The following ARHGAP39 variants were observed in gnomAD, a reference collection of about 807,000 sequenced individuals.
ARHGAP39 encodes the protein rho GTPase-activating protein 39.
In ARHGAP39, 44 loss-of-function variants were observed where a neutral mutation model predicts 106.9. That is an observed-to-expected ratio of 0.41 (90% confidence interval 0.32 to 0.53). The LOEUF is 0.53. Among genes scored for constraint, ARHGAP39 ranks in the 20% least tolerant of loss-of-function variants. The pLI, the probability that ARHGAP39 is intolerant of heterozygous loss-of-function variation, is 0.21. For missense variants in ARHGAP39, 1,496 were observed against 1,577.3 expected (o/e 0.95, Z 0.87); for synonymous variants, 768 against 693.2 (o/e 1.11, Z -1.69).
At chr8:144,537,514 C>A (rs996787782) in intron 7 of ARHGAP39, among the ~76,000 whole-genome samples, 4 of 152,174 alleles carry the variant, frequency 2.6e-5, no homozygotes, top group Admixed American at 6.5e-5. Flanking sequence ...CTGGACACCA[C>A]AAAGACACGT....
At chr8:144,622,002 G>A (rs1820819150) in intron 1 of ARHGAP39, among the ~76,000 whole-genome samples, 1 of 152,156 alleles carries the variant, frequency 6.6e-6, no homozygotes, top group East Asian at 1.9e-4. Flanking sequence ...GGGTGACAAA[G>A]AAAATAATCA....
intron 1 of ARHGAP39, among the ~76,000 whole-genome samples, chr8:144,620,130 T>G (rs1484147920): frequency 3.5e-5 from 5 of 143,892 alleles, no homozygotes; most frequent in Non-Finnish European, 7.6e-5. Context: ...CGTGTGCGTG[T>G]GAGCCTGTGT....
At position 144,545,260 on chromosome 8, in the gene ARHGAP39, T is replaced by C. The variant is rs148092254; in HGVS notation, c.2510A>G (p.Asn837Ser). ...GTGCATGGCCTTACCTTTAGTGTCA[T>C]TGACGGGGTCCATGTGCCGGTAGAT... ...GYIYRHMDPV[N>S]DTKVTQHIKE... Residue 837 changes from asparagine to serine, a missense_variant, in exon 6 of 12, where the codon AAT becomes AGT. By Grantham distance (46) the Asn-to-Ser change is conservative (BLOSUM62 1). Around this residue, in one of 4 missense-constraint regions of ARHGAP39, gnomAD observed 470 missense variants for 605.1 expected, o/e 0.78. Transcript: ENST00000377307. The C allele has an allele frequency of 8.2e-5, 126 of 1,542,028 alleles. No individual in the cohort carries two copies. Among genetic ancestry groups the C allele is most frequent in the African/African-American group, 1.6e-4 (12 of 72,988 alleles).
intron 1 of ARHGAP39, among the ~76,000 whole-genome samples, chr8:144,619,825 AGAGT>A (rs749679800): frequency 3.7e-4 from 50 of 133,576 alleles, no homozygotes; most frequent in Admixed American, 9.1e-4. Context: ...TGTGTCCCTG[AGAGT>A]GTGTGTGCCC....
chr8:144,668,020 CT>C (rs112776164), intron 1 of ARHGAP39, among the ~76,000 whole-genome samples: 15,996 of 145,444 alleles, frequency 0.11, 2,054 homozygotes, highest in African/African-American at 0.31. Flanking sequence ...TGTTCACAGC[CT>C]TTTTTTTTTT....
rs145657045 is a variant in ARHGAP39, at chr8:144,630,454, G to A, written c.-81-24759C>T. Among the ~76,000 whole-genome samples, 435 of 152,368 alleles carry A rather than the reference G, an allele frequency of 2.9e-3. 3 individuals are homozygous for A. The highest frequency in any genetic ancestry group is 6.8e-3 in the Middle Eastern group (2 of 294). On this transcript the variant is annotated intron_variant, in intron 1 of 11. Transcript: ENST00000377307. Reference sequence around the variant, plus strand: ...CCAGCCCTGGCCCCCAGCTTCTGCAGCCTCCTAAGGGTCTGGTCTCACCCA... The same window carrying A: ...CCAGCCCTGGCCCCCAGCTTCTGCAACCTCCTAAGGGTCTGGTCTCACCCA...
intron 3 of ARHGAP39, among the ~76,000 whole-genome samples, chr8:144,558,948 A>G (rs1818042988): frequency 6.6e-6 from 1 of 151,624 alleles, no homozygotes; most frequent in Non-Finnish European, 1.5e-5. Flanking sequence ...GGTAGCTTAC[A>G]CTGTAATCCC....
intron 3 of ARHGAP39, among the ~76,000 whole-genome samples, chr8:144,571,142 A>T (rs1818572662): frequency 2.6e-5 from 4 of 152,206 alleles, no homozygotes; most frequent in Admixed American, 2.6e-4. Flanking sequence ...TAAGGCCACC[A>T]TCATCCTGAT....
chr8:144,567,503 G>A (rs1036728307), intron 3 of ARHGAP39, among the ~76,000 whole-genome samples: 3 of 152,050 alleles, frequency 2.0e-5, no homozygotes, highest in African/African-American at 7.2e-5. Flanking sequence ...TCCCTTTCCC[G>A]GGGGGAGTTT....
chr8:144,631,468 A>T (rs957810130), intron 1 of ARHGAP39, among the ~76,000 whole-genome samples: 3 of 152,192 alleles, frequency 2.0e-5, no homozygotes, highest in Non-Finnish European at 2.9e-5. Context: ...TCTTTACGCC[A>T]TCTGCCCCGT....
chr8:144,621,755 C>A (rs1238338060), intron 1 of ARHGAP39, among the ~76,000 whole-genome samples: 4 of 152,164 alleles, frequency 2.6e-5, no homozygotes, highest in African/African-American at 9.7e-5. Flanking sequence ...GAGGTAGAGG[C>A]TGCAGTGAGC....
chr8:144,682,498 G>A (rs1372422145), intron 1 of ARHGAP39, among the ~76,000 whole-genome samples: 1 of 145,524 alleles, frequency 6.9e-6, no homozygotes, highest in East Asian at 2.0e-4. Flanking sequence ...GCAGTGAGCC[G>A]AGATCACGCC....
chr8:144,578,708 T>G (rs1291211385), intron 3 of ARHGAP39, among the ~76,000 whole-genome samples: 2 of 151,806 alleles, frequency 1.3e-5, no homozygotes, highest in Non-Finnish European at 2.9e-5. Flanking sequence ...AAAATTAGCC[T>G]GGTGTGGTGG....
chr8:144,633,244 G>A (rs1821107891), intron 1 of ARHGAP39, among the ~76,000 whole-genome samples: 1 of 152,190 alleles, frequency 6.6e-6, no homozygotes, highest in South Asian at 2.1e-4. Flanking sequence ...GGATCATGAG[G>A]TCAGGAGATT....
At position 144,529,366 on chromosome 8, in the gene ARHGAP39, T is replaced by A. The variant is rs982125206; in HGVS notation, c.*1056A>T. ...AACGGAACTCTAAAAAATATATATA[T>A]AAAAACTGGGGAGAAATTAAGTTTT... On this transcript the variant is annotated 3_prime_UTR_variant, in exon 12 of 12. Coordinates refer to ENST00000377307, the MANE Select transcript of ARHGAP39 (RefSeq NM_025251.3). 4.6e-5 allele frequency: 7 copies of A among 153,074 alleles called. No individual in the cohort carries two copies. Among genetic ancestry groups the A allele is most frequent in the African/African-American group, 1.7e-4 (7 of 41,464 alleles). 9.5% of individuals were successfully genotyped at this position (153,074 alleles called of 1,614,324 possible). A position where few individuals can be genotyped will look rare whatever the true frequency, so the allele number is the denominator to read the frequency against.
At chr8:144,699,791 TC>T in the ARHGAP39 span, among the ~76,000 whole-genome samples, 1 of 152,090 alleles carries the variant, frequency 6.6e-6, no homozygotes, top group East Asian at 1.9e-4. Context: ...TCCATCAAGG[TC>T]CTCTGTCTCC....
intron 1 of ARHGAP39, among the ~76,000 whole-genome samples, chr8:144,655,155 T>G (rs902267201): frequency 3.3e-5 from 5 of 152,036 alleles, no homozygotes; most frequent in Admixed American, 3.3e-4. Flanking sequence ...AGGTCCCCGG[T>G]GAGGCCCCAC....
At chr8:144,674,501 C>T (rs777044259) in intron 1 of ARHGAP39, among the ~76,000 whole-genome samples, 5 of 152,188 alleles carry the variant, frequency 3.3e-5, no homozygotes, top group Non-Finnish European at 7.3e-5. Flanking sequence ...GAATGGTTCA[C>T]GGGTGGCCAT....
At chr8:144,584,812 G>C (rs1286907571) in intron 2 of ARHGAP39, among the ~76,000 whole-genome samples, 1 of 151,630 alleles carries the variant, frequency 6.6e-6, no homozygotes, top group African/African-American at 2.4e-5. Flanking sequence ...GTGTGTCTGA[G>C]CTCCCAGCTG....
Sources: allele counts gnomAD v4.1 joint callset (sites outside exome capture counted in the v4.1 genomes callset), GRCh38; gene constraint gnomAD v4.1.1; regional missense constraint gnomAD v4.1.1; transcripts MANE v1.5; gene names NCBI Gene and HGNC (gene_info 2026-07-23, HGNC 2026-07-21).